PRKAG2: variants seen among roughly 807,000 people sequenced by gnomAD.
PRKAG2 encodes the protein protein kinase AMP-activated non-catalytic subunit gamma 2.
In PRKAG2, 26 loss-of-function variants were observed where a neutral mutation model predicts 69.6. That is an observed-to-expected ratio of 0.37 (90% confidence interval 0.27 to 0.52). PRKAG2 has a LOEUF of 0.52. Ranked by LOEUF, PRKAG2 falls within the 20% of genes least tolerant of loss-of-function variation. The pLI is 0.90. For synonymous variants in PRKAG2, 293 were observed against 285.0 expected (o/e 1.03, Z -0.28); for missense variants, 557 against 740.0 (o/e 0.75, Z 2.87).
chr7:151,560,604 A>G lies in PRKAG2; in HGVS notation c.1598T>C (p.Val533Ala). The G allele has an allele frequency of 6.2e-7, 1 of 1,604,868 alleles. No individual in the cohort carries two copies. Among genetic ancestry groups the G allele is most frequent in the East Asian group, 2.3e-5 (1 of 44,054 alleles). The change falls in exon 15 of 16, where the codon GTG becomes GCG. Residue 533 changes from valine (V) to alanine (A), a missense_variant. Val to Ala is a moderately conservative substitution (Grantham distance 64). This residue lies in a region of PRKAG2 where 205 missense variants were observed against 383.4 expected (regional missense o/e 0.53). Transcript: ENST00000287878. ...RIVRAEVHRL[V>A]VVNEADSIVG... is the part of the protein sequence containing the mutation. Reference sequence around the variant, plus strand: ...AATACTATCTGCTTCATTTACCACCACCAGCCGATGGACCTGCAAAGAGAA... The same window carrying G: ...AATACTATCTGCTTCATTTACCACCGCCAGCCGATGGACCTGCAAAGAGAA...
chr7:151,601,754 T>G (rs1816123033), intron 5 of PRKAG2, among the ~76,000 whole-genome samples: 1 of 152,174 alleles, frequency 6.6e-6, no homozygotes, highest in African/African-American at 2.4e-5. Context: ...GAGACAGGAT[T>G]CTGGTGAGGC....
intron 5 of PRKAG2, among the ~76,000 whole-genome samples, chr7:151,627,788 A>G (rs1823365822): frequency 6.6e-6 from 1 of 152,132 alleles, no homozygotes; most frequent in Non-Finnish European, 1.5e-5. Context: ...TCAGCCTCCC[A>G]AGTAGCCGGA....
chr7:151,792,707 C>T (rs1436474082), intron 1 of PRKAG2, among the ~76,000 whole-genome samples: 1 of 152,264 alleles, frequency 6.6e-6, no homozygotes, highest in Non-Finnish European at 1.5e-5. Context: ...TCAGGGCAAA[C>T]TCGAGGTTTA....
intron 4 of PRKAG2, among the ~76,000 whole-genome samples, chr7:151,663,511 C>T (rs1471429164): frequency 6.6e-6 from 1 of 152,114 alleles, no homozygotes; most frequent in African/African-American, 2.4e-5. Context: ...TACAGGCGTG[C>T]ACCACCAGCC....
intron 3 of PRKAG2, among the ~76,000 whole-genome samples, chr7:151,683,464 C>G (rs1410165529): frequency 6.6e-6 from 1 of 152,188 alleles, no homozygotes. Context: ...TCCGGCCCCT[C>G]CACTGCGTAA....
chr7:151,694,838 C>T (rs1031535459), intron 3 of PRKAG2, among the ~76,000 whole-genome samples: 3 of 152,216 alleles, frequency 2.0e-5, no homozygotes, highest in Non-Finnish European at 2.9e-5. Context: ...CCATGTGCCC[C>T]CAACACCGAG....
At chr7:151,569,469 T>C (rs1807050053) in intron 10 of PRKAG2, among the ~76,000 whole-genome samples, 1 of 152,228 alleles carries the variant, frequency 6.6e-6, no homozygotes, top group Non-Finnish European at 1.5e-5. Context: ...CTCTCTGCAT[T>C]GGTGAGTGGG....
At chr7:151,824,417 A>AG (rs2078860900) in intron 1 of PRKAG2, among the ~76,000 whole-genome samples, 1 of 152,198 alleles carries the variant, frequency 6.6e-6, no homozygotes, top group South Asian at 2.1e-4. Context: ...TAGTGCAGAT[A>AG]GTTGCCGGAA....
rs764244463 is a variant in PRKAG2, at chr7:151,595,390, G to A, written c.819C>T (p.Ile273=). 1.5e-5 allele frequency: 25 copies of A among 1,613,844 alleles called. No individual in the cohort carries two copies. The Admixed American group carries it at 2.7e-4, about 17-fold the overall frequency. ...CAACAAGCTTTGAACTGGTTGGAAC[G>A]ATGTCATAACACTTGTGTGACCTCA... The part of the protein sequence containing the change: ...RFMRSHKCYD[I]VPTSSKLVVF... The change falls in exon 6 of 16, where the codon ATC becomes ATT. Residue 273 remains isoleucine, a synonymous_variant. Coordinates refer to ENST00000287878, the MANE Select transcript of PRKAG2 (RefSeq NM_016203.4).
chr7:151,620,591 T>C (rs4726061), intron 5 of PRKAG2, among the ~76,000 whole-genome samples: 24,176 of 151,900 alleles, frequency 0.16, 2,308 homozygotes, highest in African/African-American at 0.25. Context: ...AATCCTCCTG[T>C]CTCAGCCTCC....
chr7:151,793,550 G>A (rs957102692), intron 1 of PRKAG2, among the ~76,000 whole-genome samples: 3 of 152,136 alleles, frequency 2.0e-5, no homozygotes, highest in Non-Finnish European at 2.9e-5. Flanking sequence ...CGAGGCCCGC[G>A]GTTCCCACCT....
At chr7:151,570,974 T>G (rs1012208035) in intron 9 of PRKAG2, among the ~76,000 whole-genome samples, 1 of 152,040 alleles carries the variant, frequency 6.6e-6, no homozygotes, top group Non-Finnish European at 1.5e-5. Flanking sequence ...TTTCATGATG[T>G]TGGCCAGGCT....
At chr7:151,579,686 A>C (rs1809877852) in intron 6 of PRKAG2, among the ~76,000 whole-genome samples, 1 of 152,180 alleles carries the variant, frequency 6.6e-6, no homozygotes. Flanking sequence ...TTTCAACAAG[A>C]AGCTGAAATT....
chr7:151,632,338 CAGGTGG>C lies in PRKAG2; in HGVS notation c.685-206_685-201del. ...CCGCCCGAGGCCGCCGCCGCCGCCG[CAGGTGG>C]CGCGGCCGCGGCCCGCGTGCCCCTC... is the stretch of plus-strand genomic sequence containing the variant. On this transcript the variant is annotated intron_variant, in intron 4 of 15. Coordinates refer to ENST00000287878, the MANE Select transcript of PRKAG2 (RefSeq NM_016203.4). The surrounding 1 kb of genome is among the most constrained non-coding windows in gnomAD (Gnocchi z 4.2). 2 of 670,178 alleles carry C rather than the reference CAGGTGG, an allele frequency of 3.0e-6. No homozygotes were observed. The highest frequency in any genetic ancestry group is 3.7e-6 in the Non-Finnish European group (2 of 544,672). The allele number at this position is 670,178 out of a possible 1,614,324, so 41.5% of individuals were successfully genotyped here.
rs2077902340 is a variant in PRKAG2, at chr7:151,802,715, A to G, written c.115-16174T>C. 2.6e-5 allele frequency among the ~76,000 whole-genome samples: 4 copies of G among 152,248 alleles called. No homozygotes were observed. The South Asian group carries it at 8.3e-4, about 32-fold the overall frequency. Reference sequence around the variant, plus strand: ...TCAGTGGTTGCTTCCTGCCTGCAGAAGGTGTCGGACTCTGCCTGGCATTCA... The same window carrying G: ...TCAGTGGTTGCTTCCTGCCTGCAGAGGGTGTCGGACTCTGCCTGGCATTCA... On this transcript the variant is annotated intron_variant, in intron 1 of 15. Coordinates refer to ENST00000287878, the MANE Select transcript of PRKAG2 (RefSeq NM_016203.4).
intron 3 of PRKAG2, among the ~76,000 whole-genome samples, chr7:151,700,484 G>A (rs1837491436): frequency 6.6e-6 from 1 of 152,168 alleles, no homozygotes; most frequent in Admixed American, 6.5e-5. Context: ...TCCGAATTTT[G>A]GCAAGAATCA....
Position 151,570,151 on chromosome 7 carries a change from GAA to G in PRKAG2, c.1106+18_1106+19del. On this transcript the variant is annotated intron_variant, in intron 10 of 15. Coordinates refer to ENST00000287878, the MANE Select transcript of PRKAG2 (RefSeq NM_016203.4). ...ATACATCTGAATGAATGTTTTCAAAGAAAAAAAAAACAAGTTTACCTTGCATC... is the reference window on the plus strand; with the variant it reads ...ATACATCTGAATGAATGTTTTCAAAGAAAAAAAACAAGTTTACCTTGCATC... The G allele has an allele frequency of 7.1e-7, 1 of 1,417,462 alleles. No individual in the cohort carries two copies. 87.8% of individuals were successfully genotyped at this position (1,417,462 alleles called of 1,614,324 possible). A position where few individuals can be genotyped will look rare whatever the true frequency, so the allele number is the denominator to read the frequency against.
At chr7:151,757,622 G>A (rs2075172161) in intron 3 of PRKAG2, among the ~76,000 whole-genome samples, 1 of 152,164 alleles carries the variant, frequency 6.6e-6, no homozygotes, top group Non-Finnish European at 1.5e-5. Flanking sequence ...CACATCTCTG[G>A]CAGAAACCCG....
intron 3 of PRKAG2, among the ~76,000 whole-genome samples, chr7:151,704,129 G>T (rs895844635): frequency 2.6e-5 from 4 of 152,072 alleles, no homozygotes; most frequent in African/African-American, 9.7e-5. Flanking sequence ...TTTGAAAGAG[G>T]CATGCAATGT....
Sources: gnomAD v4.1 joint callset for allele counts (sites outside exome capture counted in the v4.1 genomes callset) on GRCh38, gnomAD v4.1.1 for gene constraint, gnomAD v4.1.1 regional missense constraint, Gnocchi (gnomAD v3.1) non-coding constraint, MANE v1.5 for transcripts, NCBI Gene and HGNC (gene_info 2026-07-23, HGNC 2026-07-21) for gene names.